Variants in SOX5 observed in about 807,000 individuals in gnomAD.
SOX5 encodes the protein SRY-box transcription factor 5.
SOX5 carries 9 observed loss-of-function variants against 92.0 expected under a neutral mutation model. That is an observed-to-expected ratio of 0.10 (90% CI 0.06 to 0.17). The LOEUF (loss-of-function observed/expected upper bound fraction) is 0.17. Among genes scored for constraint, SOX5 ranks in the 10% least tolerant of loss-of-function variants. The probability of loss-of-function intolerance (pLI) is 1.00; values close to 1 mark genes in which losing one functional copy is unlikely to be tolerated. For missense variants in SOX5, 642 were observed against 944.5 expected (o/e 0.68, Z 4.20); for synonymous variants, 344 against 336.3 (o/e 1.02, Z -0.25).
chr12:24,078,742 G>A (rs1055104458), intron 4 of SOX5, among the ~76,000 whole-genome samples: 7 of 151,962 alleles, frequency 4.6e-5, no homozygotes, highest in Non-Finnish European at 1.5e-5. Context: ...TCTCCACAAA[G>A]CCTCAACTTC....
chr12:23,858,688 T>C (rs1196571295), intron 2 of SOX5, among the ~76,000 whole-genome samples: 1 of 152,108 alleles, frequency 6.6e-6, no homozygotes, highest in Non-Finnish European at 1.5e-5. Flanking sequence ...AGCAATCCTA[T>C]TACTGAGTAT....
At chr12:23,907,207 CAGAG>C (rs140614508) in intron 1 of SOX5, among the ~76,000 whole-genome samples, 4 of 150,814 alleles carry the variant, frequency 2.7e-5, no homozygotes, top group Non-Finnish European at 4.4e-5. Context: ...CACGTGCGTG[CAGAG>C]AGAGAGAGAC....
At position 24,260,920 on chromosome 12, in the gene SOX5, C is replaced by A. The variant is rs544275140; in HGVS notation, c.-77+16296G>T. Among the ~76,000 whole-genome samples the A allele has an allele frequency of 1.5e-3, 229 of 152,264 alleles. 1 individual carries two copies. Among genetic ancestry groups the A allele is most frequent in the Non-Finnish European group, 2.8e-3 (193 of 68,020 alleles). On this transcript the variant is annotated intron_variant, in intron 3 of 4. Coordinates refer to the SOX5 transcript ENST00000446891. ...ATGTAGACTCACATCCTGGTTGGGT[C>A]ATTTAATTCTACTTGTGTAAGCCTT...
chr12:24,093,748 G>A (rs1474238034), intron 4 of SOX5, among the ~76,000 whole-genome samples: 6 of 150,002 alleles, frequency 4.0e-5, no homozygotes, highest in African/African-American at 7.4e-5. Context: ...TACAAGTCCC[G>A]GGAGCTGATA....
At chr12:24,289,891 T>A (rs190954727) in intron 2 of SOX5, among the ~76,000 whole-genome samples, 2 of 152,308 alleles carry the variant, frequency 1.3e-5, no homozygotes, top group Non-Finnish European at 1.5e-5. Context: ...TTACTGTGCA[T>A]TATAAAAGCC....
At chr12:23,652,524 T>C (rs558085137) in intron 7 of SOX5, among the ~76,000 whole-genome samples, 2 of 151,674 alleles carry the variant, frequency 1.3e-5, no homozygotes, top group Admixed American at 1.3e-4. Flanking sequence ...ACTGTTTTTT[T>C]TTTTTTTTGA....
intron 1 of SOX5, among the ~76,000 whole-genome samples, chr12:24,428,753 A>AAAAAAAAAAAAAC: frequency 6.7e-6 from 1 of 148,966 alleles, no homozygotes; most frequent in African/African-American, 2.5e-5. Context: ...AAAAAAAAAA[A>AAAAAAAAAAAAAC]AAAAAAGCTA....
At chr12:23,915,055 T>A (rs2138573153) in intron 1 of SOX5, among the ~76,000 whole-genome samples, 2 of 152,262 alleles carry the variant, frequency 1.3e-5, no homozygotes, top group South Asian at 4.1e-4. Flanking sequence ...GACTGAGTCT[T>A]AGCTATGTTC....
At chr12:23,878,211 C>G (rs983871651) in intron 2 of SOX5, among the ~76,000 whole-genome samples, 1 of 151,888 alleles carries the variant, frequency 6.6e-6, no homozygotes, top group Non-Finnish European at 1.5e-5. Context: ...TTCAAGTGAT[C>G]TATATATAGA....
At chr12:23,776,964 C>T (rs1232752484) in intron 3 of SOX5, among the ~76,000 whole-genome samples, 4 of 152,102 alleles carry the variant, frequency 2.6e-5, no homozygotes, top group African/African-American at 9.7e-5. Context: ...TATCCATTTT[C>T]CTTTATTTTT....
chr12:24,293,502 G>T (rs1475447519), intron 2 of SOX5, among the ~76,000 whole-genome samples: 1 of 151,978 alleles, frequency 6.6e-6, no homozygotes, highest in African/African-American at 2.4e-5. Flanking sequence ...TCTATAAAAA[G>T]AATCTTCAAC....
chr12:24,206,710 A>G (rs1169048211), intron 4 of SOX5, among the ~76,000 whole-genome samples: 1 of 152,154 alleles, frequency 6.6e-6, no homozygotes, highest in African/African-American at 2.4e-5. Context: ...GGGAGCCTCC[A>G]TCAGCACCTG....
At chr12:23,696,279 T>C (rs1209128452) in intron 6 of SOX5, among the ~76,000 whole-genome samples, 1 of 152,162 alleles carries the variant, frequency 6.6e-6, no homozygotes, top group Non-Finnish European at 1.5e-5. Flanking sequence ...GGATGATTTT[T>C]AACTGAAAAT....
chr12:24,078,663 A>C (rs1054859812), intron 4 of SOX5, among the ~76,000 whole-genome samples: 7 of 152,084 alleles, frequency 4.6e-5, no homozygotes, highest in Non-Finnish European at 7.4e-5. Flanking sequence ...TCTGTGATAC[A>C]CTGTGACTCA....
intron 4 of SOX5, among the ~76,000 whole-genome samples, chr12:24,124,982 G>C (rs183706456): frequency 3.9e-4 from 60 of 152,246 alleles, no homozygotes; most frequent in Admixed American, 2.2e-3. Flanking sequence ...GAGAATCTCT[G>C]TGAAAGTAAG....
At chr12:23,985,852 C>T (rs573743067) in intron 4 of SOX5, among the ~76,000 whole-genome samples, 6 of 152,036 alleles carry the variant, frequency 3.9e-5, no homozygotes, top group Non-Finnish European at 7.4e-5. Flanking sequence ...TCTGGAAGTT[C>T]TTGGGAAGAA....
At chr12:24,412,952 T>A (rs1964386359) in intron 1 of SOX5, among the ~76,000 whole-genome samples, 1 of 152,060 alleles carries the variant, frequency 6.6e-6, no homozygotes, top group Non-Finnish European at 1.5e-5. Flanking sequence ...AGACAGGGTT[T>A]CACCGTGTTA....
intron 4 of SOX5, among the ~76,000 whole-genome samples, chr12:24,013,519 T>C (rs1498869): frequency 0.15 from 22,759 of 152,174 alleles, 1,868 homozygotes; most frequent in Non-Finnish European, 0.19. Context: ...TTTCCCAAGC[T>C]TCAAAAAGAA....
At chr12:24,145,133 G>A (rs966162292) in intron 4 of SOX5, among the ~76,000 whole-genome samples, 1 of 151,870 alleles carries the variant, frequency 6.6e-6, no homozygotes. Flanking sequence ...AAAAAGGGAG[G>A]AATATGATAA....
Sources: gnomAD v4.1 joint callset for allele counts (sites outside exome capture counted in the v4.1 genomes callset) on GRCh38, gnomAD v4.1.1 for gene constraint, MANE v1.5 for transcripts, NCBI Gene and HGNC (gene_info 2026-07-23, HGNC 2026-07-21) for gene names.